The following ADAMTS19 variants were observed in gnomAD, a reference collection of about 807,000 sequenced individuals.
ADAMTS19 encodes the protein ADAM metallopeptidase with thrombospondin type 1 motif 19, also known as A disintegrin and metalloproteinase with thrombospondin motifs 19.
In ADAMTS19, 93 loss-of-function variants were observed where a neutral mutation model predicts 153.3. The observed-to-expected ratio is 0.61, with a 90% CI of 0.51 to 0.72. ADAMTS19 has a LOEUF of 0.72. Among genes scored for constraint, ADAMTS19 ranks in the 30% least tolerant of loss-of-function variants. The pLI is 0.00. For missense variants in ADAMTS19, 1,482 were observed against 1,552.1 expected (o/e 0.95, Z 0.76); for synonymous variants, 600 against 556.6 (o/e 1.08, Z -1.10).
chr5:129,496,365 C>T (rs2126700999), intron 2 of ADAMTS19, among the ~76,000 whole-genome samples: 1 of 152,218 alleles, frequency 6.6e-6, no homozygotes, highest in African/African-American at 2.4e-5. Context: ...GCATCTGGAA[C>T]ATTAACACAG....
chr5:129,546,472 G>T (rs977964188), intron 6 of ADAMTS19, among the ~76,000 whole-genome samples: 1 of 150,434 alleles, frequency 6.6e-6, no homozygotes, highest in African/African-American at 2.5e-5. Context: ...TTATAAAGAC[G>T]GAAAGAGTGT....
At chr5:129,676,958 T>C (rs914922447) in intron 16 of ADAMTS19, among the ~76,000 whole-genome samples, 3 of 152,158 alleles carry the variant, frequency 2.0e-5, no homozygotes, top group South Asian at 2.1e-4. Context: ...TTTCTTTACA[T>C]TGTGCCCTAA....
At chr5:129,675,276 T>C (rs1754503702) in intron 16 of ADAMTS19, among the ~76,000 whole-genome samples, 1 of 152,208 alleles carries the variant, frequency 6.6e-6, no homozygotes, top group Non-Finnish European at 1.5e-5. Flanking sequence ...TTTTTTAGAT[T>C]TGTTTATGTT....
At chr5:129,565,395 C>G (rs1753672307) in intron 7 of ADAMTS19, among the ~76,000 whole-genome samples, 1 of 152,094 alleles carries the variant, frequency 6.6e-6, no homozygotes, top group Admixed American at 6.5e-5. Context: ...TCTGAGAGGC[C>G]TGGAAATATA....
At chr5:129,553,803 C>T (rs1382632916) in intron 7 of ADAMTS19, among the ~76,000 whole-genome samples, 1 of 151,912 alleles carries the variant, frequency 6.6e-6, no homozygotes, top group Non-Finnish European at 1.5e-5. Flanking sequence ...TTATAACAAC[C>T]AAGTCAAATT....
intron 8 of ADAMTS19, among the ~76,000 whole-genome samples, chr5:129,618,757 A>C (rs571558076): frequency 6.6e-6 from 1 of 152,006 alleles, no homozygotes; most frequent in South Asian, 2.1e-4. Flanking sequence ...ATAACAGAAA[A>C]GAGAATAATG....
chr5:129,700,397 G>T, intron 19 of ADAMTS19, among the ~76,000 whole-genome samples: 1 of 152,076 alleles, frequency 6.6e-6, no homozygotes, highest in East Asian at 1.9e-4. Context: ...GCTCCATGTG[G>T]GAGGATATAG....
At chr5:129,691,990 A>G (rs1042419079) in intron 18 of ADAMTS19, among the ~76,000 whole-genome samples, 1 of 152,162 alleles carries the variant, frequency 6.6e-6, no homozygotes, top group Non-Finnish European at 1.5e-5. Context: ...GATAACGCCC[A>G]TCATCTTTTT....
intron 2 of ADAMTS19, among the ~76,000 whole-genome samples, chr5:129,494,663 A>G (rs1029956991): frequency 6.6e-6 from 1 of 152,190 alleles, no homozygotes; most frequent in Admixed American, 6.5e-5. Context: ...ACATGTTCTT[A>G]ACTGAATTGG....
intron 21 of ADAMTS19, among the ~76,000 whole-genome samples, chr5:129,705,540 T>C (rs932802113): frequency 6.6e-6 from 1 of 152,170 alleles, no homozygotes; most frequent in African/African-American, 2.4e-5. Context: ...CATTCAAAAT[T>C]CACATTTGAA....
At chr5:129,689,073 G>C (rs1229786760) in intron 18 of ADAMTS19, among the ~76,000 whole-genome samples, 3 of 152,126 alleles carry the variant, frequency 2.0e-5, no homozygotes, top group Non-Finnish European at 1.5e-5. Flanking sequence ...CTAGTGAATA[G>C]ATTACTGAAA....
intron 10 of ADAMTS19, among the ~76,000 whole-genome samples, chr5:129,629,519 T>C (rs1329868845): frequency 4.6e-5 from 7 of 152,054 alleles, no homozygotes; most frequent in Non-Finnish European, 1.0e-4. Flanking sequence ...TCCATACTTA[T>C]AAACAGATAT....
Position 129,721,937 on chromosome 5 carries a change from C to G in ADAMTS19, c.3313-12995C>G, listed in dbSNP as rs1021372198. Among the ~76,000 whole-genome samples the G allele has an allele frequency of 3.3e-5, 5 of 152,140 alleles. No individual in the cohort carries two copies. The South Asian group carries it at 1.0e-3, about 32-fold the overall frequency. On this transcript the variant is annotated intron_variant, in intron 21 of 22. Transcript: ENST00000274487. ...TCCCTGCAAATGACATGACCTCATC[C>G]CTTTTATGGCTGCATAGTATTCCAT...
chr5:129,637,768 C>T (rs1440228185), intron 10 of ADAMTS19, among the ~76,000 whole-genome samples: 11 of 152,102 alleles, frequency 7.2e-5, no homozygotes, highest in Admixed American at 7.2e-4. Flanking sequence ...TCGCTTGAAC[C>T]CGGGAGGTGA....
intron 7 of ADAMTS19, among the ~76,000 whole-genome samples, chr5:129,582,659 G>A (rs968337246): frequency 2.4e-4 from 37 of 151,926 alleles, no homozygotes; most frequent in South Asian, 1.0e-3. Context: ...TGCAAGCTCC[G>A]CCTCCCAGGT....
Position 129,693,789 on chromosome 5 carries a change from A to G in ADAMTS19, c.2819-931A>G, listed in dbSNP as rs145483677. ...TCCTATAATCAAATTTTATCATAGT[A>G]GAGAAAGTAGAAAAGCCAAGTTTTC... On this transcript the variant is annotated intron_variant, in intron 18 of 22. Transcript: ENST00000274487. Among the ~76,000 whole-genome samples, 3 of 152,324 alleles carry G rather than the reference A, an allele frequency of 2.0e-5. No homozygotes were observed. The East Asian group carries it at 5.8e-4, about 29-fold the overall frequency.
intron 8 of ADAMTS19, among the ~76,000 whole-genome samples, chr5:129,616,699 A>G (rs1751547823): frequency 6.6e-6 from 1 of 152,088 alleles, no homozygotes; most frequent in Non-Finnish European, 1.5e-5. Context: ...GTCAAAATGA[A>G]TTTAAACTGA....
chr5:129,686,869 A>G (rs758509011), intron 18 of ADAMTS19, among the ~76,000 whole-genome samples: 2 of 152,166 alleles, frequency 1.3e-5, no homozygotes, highest in African/African-American at 4.8e-5. Context: ...AAAAAATGTT[A>G]TCAGTCACCC....
chr5:129,704,361 C>T lies in ADAMTS19; in HGVS notation c.3282C>T (p.Cys1094=). The change falls in exon 21 of 23, where the codon TGC becomes TGT. Residue 1094 remains cysteine (C), a synonymous_variant. Coordinates refer to ENST00000274487, the MANE Select transcript of ADAMTS19 (RefSeq NM_133638.6). ...AAGACTGTGAGGATTATTCAAAATG[C>T]TATGTGTGGCGAATGGGTGACTGGT... ...EAEDCEDYSK[C]YVWRMGDWSK... 3.7e-6 allele frequency: 6 copies of T among 1,613,958 alleles called. No homozygotes were observed. In the African/African-American group the frequency reaches 5.3e-5, roughly 14 times the overall value.
Sources: gnomAD v4.1 joint callset for allele counts (sites outside exome capture counted in the v4.1 genomes callset) on GRCh38, gnomAD v4.1.1 for gene constraint, MANE v1.5 for transcripts, NCBI Gene and HGNC (gene_info 2026-07-23, HGNC 2026-07-21) for gene names.